Variants in HECW2 observed in about 807,000 individuals in gnomAD.
HECW2 encodes the protein HECT, C2 and WW domain containing E3 ubiquitin protein ligase 2.
Under a neutral mutation model 175.2 loss-of-function variants are expected in HECW2, and 61 were observed. That is an observed-to-expected ratio of 0.35 (90% CI 0.28 to 0.43). HECW2 has a LOEUF of 0.43. HECW2 is among the 20% of genes least tolerant of loss of function. The pLI is 1.00. For synonymous variants in HECW2, 671 were observed against 731.0 expected, an observed-to-expected ratio of 0.92 and a Z score of 1.32; for missense variants, 1,524 against 2,000.5, an observed-to-expected ratio of 0.76 and a Z score of 4.54.
In HECW2 at chr2:196,200,557, C is replaced by A. The variant is rs1249091546; in HGVS notation, c.*720G>T. 1 of 152,524 alleles carries A rather than the reference C, an allele frequency of 6.6e-6. No individual in the cohort carries two copies. Among genetic ancestry groups the A allele is most frequent in the African/African-American group, 2.4e-5 (1 of 41,424 alleles). The allele number at this position is 152,524 out of a possible 1,614,324, so 9.4% of individuals were successfully genotyped here. On this transcript the variant is annotated 3_prime_UTR_variant, in exon 29 of 29. Coordinates refer to ENST00000644978, the MANE Select transcript of HECW2 (RefSeq NM_001348768.2). ...TTTCCTGATATGCTGTGATTAATTG[C>A]TAGTTATTTTAAAATTGTTTTCATG...
intron 1 of HECW2, among the ~76,000 whole-genome samples, chr2:196,506,944 A>G (rs1687779975): frequency 6.6e-6 from 1 of 152,238 alleles, no homozygotes; most frequent in Admixed American, 6.5e-5. Context: ...CTATACAGAA[A>G]GGATTTTAAA....
In HECW2 at chr2:196,248,850, A is replaced by AC. The variant is rs1244094188; in HGVS notation, c.3529+5069_3529+5070insG. 5.9e-5 allele frequency among the ~76,000 whole-genome samples: 9 copies of AC among 152,270 alleles called. No homozygotes were observed. The South Asian group carries it at 8.3e-4, about 14-fold the overall frequency. On this transcript the variant is annotated intron_variant, in intron 19 of 28. Coordinates refer to ENST00000644978, the MANE Select transcript of HECW2 (RefSeq NM_001348768.2). ...AACCCATCCCCTCAAGACAATCTTTAGTAAAGACCCACAGGGCTCTTCTGT... is the reference window on the plus strand; with the variant it reads ...AACCCATCCCCTCAAGACAATCTTTACGTAAAGACCCACAGGGCTCTTCTGT...
chr2:196,538,285 C>A (rs527732327), intron 1 of HECW2, among the ~76,000 whole-genome samples: 1 of 152,266 alleles, frequency 6.6e-6, no homozygotes, highest in South Asian at 2.1e-4. Flanking sequence ...TCACTGAGCA[C>A]TTGGAGAGCT....
At chr2:196,290,725 G>C (rs1043296908) in intron 14 of HECW2, 2 of 152,122 alleles carry the variant, frequency 1.3e-5, no homozygotes, top group African/African-American at 2.4e-5. Flanking sequence ...AATATTTACA[G>C]GCACTGGGCT....
At chr2:196,235,207 C>T (rs181553998) in intron 21 of HECW2, among the ~76,000 whole-genome samples, 7 of 151,476 alleles carry the variant, frequency 4.6e-5, no homozygotes, top group African/African-American at 1.5e-4. Flanking sequence ...AAGCAATTCT[C>T]CTGCCTCAGC....
intron 2 of HECW2, among the ~76,000 whole-genome samples, chr2:196,378,359 A>G (rs1190693500): frequency 1.3e-5 from 2 of 152,238 alleles, no homozygotes; most frequent in Non-Finnish European, 2.9e-5. Context: ...ACCTACAGAG[A>G]GAATAAGTGT....
rs528471181 is a variant in HECW2, at chr2:196,381,093, G to A, written c.293-37329C>T. Among the ~76,000 whole-genome samples, 12 of 152,160 alleles carry A rather than the reference G, an allele frequency of 7.9e-5. No homozygotes were observed. The East Asian group carries it at 1.5e-3, about 20-fold the overall frequency. On this transcript the variant is annotated intron_variant, in intron 2 of 28. Transcript: ENST00000644978. Reference sequence around the variant, plus strand: ...TAAGAAAACCCCTGACCTAAGCCCCGTAGGAAAACCCTACCCGGCTTCTCA... The same window carrying A: ...TAAGAAAACCCCTGACCTAAGCCCCATAGGAAAACCCTACCCGGCTTCTCA...
chr2:196,322,761 T>TTCTA, intron 6 of HECW2, 141 bp from the exon 7 acceptor site: 3 of 682,044 alleles, frequency 4.4e-6, no homozygotes, highest in Non-Finnish European at 7.2e-6. Context: ...CTGCAGCTAT[T>TTCTA]GTCAATCCTT....
chr2:196,327,425 G>A (rs971276874), intron 5 of HECW2, among the ~76,000 whole-genome samples: 5 of 151,870 alleles, frequency 3.3e-5, no homozygotes, highest in African/African-American at 1.2e-4. Flanking sequence ...CCATATAATA[G>A]GCCAAAGAAG....
At chr2:196,371,832 C>T (rs1693917776) in intron 2 of HECW2, among the ~76,000 whole-genome samples, 1 of 152,200 alleles carries the variant, frequency 6.6e-6, no homozygotes, top group Admixed American at 6.5e-5. Context: ...ATATCCTCAA[C>T]TTCTCATAAT....
At chr2:196,281,070 C>G (rs949539046) in intron 14 of HECW2, among the ~76,000 whole-genome samples, 5 of 152,144 alleles carry the variant, frequency 3.3e-5, no homozygotes, top group African/African-American at 4.8e-5. Context: ...ATTATAAAGA[C>G]AAATGGGTGT....
At chr2:196,344,280 C>T (rs1692868369) in intron 2 of HECW2, among the ~76,000 whole-genome samples, 1 of 138,346 alleles carries the variant, frequency 7.2e-6, no homozygotes, top group South Asian at 2.4e-4. Context: ...TCAGGACAGT[C>T]CTTTGCAAAA....
chr2:196,391,791 C>A (rs1406910644), intron 2 of HECW2, among the ~76,000 whole-genome samples: 1 of 152,162 alleles, frequency 6.6e-6, no homozygotes, highest in African/African-American at 2.4e-5. Flanking sequence ...GTTAGCAAGC[C>A]ATCCTCCCTC....
At chr2:196,577,902 C>T (rs1436843497) in intron 1 of HECW2, among the ~76,000 whole-genome samples, 8 of 152,114 alleles carry the variant, frequency 5.3e-5, no homozygotes, top group East Asian at 1.9e-4. Context: ...ACCACATCCT[C>T]GAGAGGGAGG....
At chr2:196,525,788 G>C (rs1420482541) in intron 1 of HECW2, among the ~76,000 whole-genome samples, 1 of 131,932 alleles carries the variant, frequency 7.6e-6, no homozygotes, top group Non-Finnish European at 1.6e-5. Context: ...TTTTCTTTAA[G>C]AATGTTGAAT....
At chr2:196,576,579 C>A (rs537600241) in intron 1 of HECW2, among the ~76,000 whole-genome samples, 1 of 152,214 alleles carries the variant, frequency 6.6e-6, no homozygotes, top group South Asian at 2.1e-4. Flanking sequence ...GGGATATATT[C>A]GTCAAACATA....
intron 2 of HECW2, among the ~76,000 whole-genome samples, chr2:196,384,464 C>T (rs1167886213): frequency 3.9e-5 from 6 of 152,060 alleles, no homozygotes; most frequent in South Asian, 4.2e-4. Flanking sequence ...CGCCTGCAGT[C>T]CCAGATACTC....
chr2:196,232,497 A>C (rs1672417559), intron 21 of HECW2, among the ~76,000 whole-genome samples: 1 of 152,148 alleles, frequency 6.6e-6, no homozygotes, highest in South Asian at 2.1e-4. Flanking sequence ...ATGCTTTCTA[A>C]AGAAAAATCA....
At position 196,517,074 on chromosome 2, in the gene HECW2, T is replaced by C. The variant is rs1047537743; in HGVS notation, c.-36+76434A>G. 4.6e-5 allele frequency among the ~76,000 whole-genome samples: 7 copies of C among 152,228 alleles called. No individual in the cohort carries two copies. The East Asian group carries it at 9.6e-4, about 21-fold the overall frequency. The stretch of plus-strand genomic sequence containing the variant: ...TTCCTCCCAGAGAGACACCAAGGTG[T>C]CCTGATGGCGGGACAAGCCAGTGTC... On this transcript the variant is annotated intron_variant, in intron 1 of 28. Coordinates refer to ENST00000644978, the MANE Select transcript of HECW2 (RefSeq NM_001348768.2).
Sources: allele counts gnomAD v4.1 joint callset (sites outside exome capture counted in the v4.1 genomes callset), GRCh38; gene constraint gnomAD v4.1.1; transcripts MANE v1.5; gene names NCBI Gene and HGNC (gene_info 2026-07-23, HGNC 2026-07-21).